PMS1: variants seen among roughly 807,000 people sequenced by gnomAD.
PMS1 encodes the protein PMS1 homolog 1, mismatch repair system component, also known as PMS1 protein homolog 1.
In PMS1, 79 loss-of-function variants were observed where a neutral mutation model predicts 93.1. That is an observed-to-expected ratio of 0.85 (90% CI 0.71 to 1.02). PMS1 has a LOEUF of 1.02. Among genes scored for constraint, PMS1 ranks in the 50% least tolerant of loss-of-function variants. The probability of loss-of-function intolerance (pLI) is 0.00; values close to 1 mark genes in which losing one functional copy is unlikely to be tolerated. For missense variants in PMS1, 1,064 were observed against 1,085.3 expected, an observed-to-expected ratio of 0.98 and a Z score of 0.28; for synonymous variants, 335 against 363.4, an observed-to-expected ratio of 0.92 and a Z score of 0.89.
At chr2:189,817,977 CT>C in intron 4 of PMS1, 39 bp from the exon 5 acceptor site, 1 of 1,475,440 alleles carries the variant, frequency 6.8e-7, no homozygotes, top group Non-Finnish European at 9.5e-7. Flanking sequence ...TGTGACGTTC[CT>C]TCCAAATCTA....
chr2:189,860,441 G>A (rs968588708), intron 9 of PMS1, among the ~76,000 whole-genome samples: 9 of 151,926 alleles, frequency 5.9e-5, no homozygotes, highest in African/African-American at 2.2e-4. Context: ...ATAATATTCA[G>A]TTGTATAAAT....
chr2:189,853,520 C>CTTTTT (rs397976954), intron 7 of PMS1, among the ~76,000 whole-genome samples: 1 of 141,400 alleles, frequency 7.1e-6, no homozygotes, highest in Non-Finnish European at 1.5e-5. Context: ...CTTTTCTTTT[C>CTTTTT]TTTTTTTTTT....
chr2:189,830,300 A>G (rs2052810214), intron 5 of PMS1, among the ~76,000 whole-genome samples: 1 of 152,026 alleles, frequency 6.6e-6, no homozygotes, highest in South Asian at 2.1e-4. Flanking sequence ...CCTTTTGCTC[A>G]TTTTGCTTCA....
chr2:189,785,566 C>T (rs144669488), intron 1 of PMS1: 2 of 152,172 alleles, frequency 1.3e-5, no homozygotes, highest in Non-Finnish European at 2.9e-5. Context: ...GATATAAAAC[C>T]CCTGTCCTCA....
intron 2 of PMS1, 26 bp downstream of exon 2, chr2:189,791,967 C>T: frequency 6.2e-7 from 1 of 1,608,316 alleles, no homozygotes; most frequent in Non-Finnish European, 8.5e-7. Flanking sequence ...AACCCAAATA[C>T]CTTTAAGACA....
chr2:189,806,134 A>AT (rs1406261364), intron 4 of PMS1: 2 of 364,254 alleles, frequency 5.5e-6, no homozygotes, highest in Non-Finnish European at 9.8e-6. Flanking sequence ...TACCATCAAG[A>AT]TATGATTAAA....
Position 189,873,634 on chromosome 2 carries a change from G to A in PMS1, c.2612G>A (p.Arg871His), listed in dbSNP as rs760863069. 35 of 1,605,192 alleles carry A rather than the reference G, an allele frequency of 2.2e-5. No homozygotes were observed. The highest frequency in any genetic ancestry group is 2.6e-5 in the Non-Finnish European group (31 of 1,172,322). The change falls in exon 12 of 13, where the codon CGC becomes CAC. Residue 871 changes from arginine (R) to histidine (H), a missense_variant. Transcript: ENST00000441310. ...AAGGAAGTTTATGAATGTAGACCTC[G>A]CAAAGTGATAAGTTATTTAGAGGTA... ...NAKEVYECRP[R>H]KVISYLEGEA...
rs777413446 is a variant in PMS1 at position 189,864,048 on chromosome 2, A to G, written c.2162A>G (p.Lys721Arg). 1.9e-6 allele frequency: 3 copies of G among 1,612,538 alleles called. No individual in the cohort carries two copies. The South Asian group carries it at 3.3e-5, about 18-fold the overall frequency. Residue 721 changes from lysine (K) to arginine (R), a missense_variant, in exon 10 of 13, where the codon AAG becomes AGG. Coordinates refer to ENST00000441310, the MANE Select transcript of PMS1 (RefSeq NM_000534.5). The stretch of plus-strand genomic sequence containing the variant: ...CAAAACAAAGTTGACTTAGAAGAGA[A>G]GGATGAACCTTGCTTGATCCACAAT... The part of the protein sequence containing the change: ...KKQNKVDLEE[K>R]DEPCLIHNLR...
chr2:189,877,225 G>A (rs113945780), intron 12 of PMS1, 47 bp from the exon 13 acceptor site: 8 of 1,510,922 alleles, frequency 5.3e-6, no homozygotes, highest in African/African-American at 2.7e-5. Flanking sequence ...CATGTTTTCA[G>A]CTTCAGGGTA....
chr2:189,822,170 G>A (rs2106340798), intron 5 of PMS1, among the ~76,000 whole-genome samples: 1 of 152,320 alleles, frequency 6.6e-6, no homozygotes, highest in South Asian at 2.1e-4. Context: ...GGGCAGTGGA[G>A]GAGGAGGCGG....
intron 10 of PMS1, among the ~76,000 whole-genome samples, chr2:189,867,434 G>T (rs2056760809): frequency 6.6e-6 from 1 of 152,202 alleles, no homozygotes; most frequent in Non-Finnish European, 1.5e-5. Flanking sequence ...TTGAATAGCA[G>T]TTGAAAATTT....
intron 6 of PMS1, among the ~76,000 whole-genome samples, chr2:189,849,390 T>C (rs1457442080): frequency 1.3e-5 from 2 of 152,208 alleles, no homozygotes; most frequent in Admixed American, 6.5e-5. Context: ...GTTTTCATAT[T>C]CTTCTCTTCT....
chr2:189,834,374 C>T (rs1455774786), intron 5 of PMS1, among the ~76,000 whole-genome samples: 3 of 152,210 alleles, frequency 2.0e-5, no homozygotes, highest in Non-Finnish European at 4.4e-5. Context: ...CCTTGTGTAT[C>T]TTACATGGGA....
rs763541657 is a variant in PMS1 at position 189,795,847 on chromosome 2, A to G, written c.211A>G (p.Met71Val). 1 of 1,612,994 alleles carries G rather than the reference A, an allele frequency of 6.2e-7. No homozygotes were observed. Among genetic ancestry groups the G allele is most frequent in the Admixed American group, 1.7e-5 (1 of 60,022 alleles). ...IKAVDAPVMAMKYYTSKINSH... is the reference protein window; with the variant it reads ...IKAVDAPVMAVKYYTSKINSH... ...GGCTGTTGATGCACCTGTAATGGCA[A>G]TGAAGTACTACACCTCAAAAATAAA... Residue 71 changes from methionine to valine, a missense_variant, in exon 3 of 13, where the codon ATG (methionine) becomes GTG (valine). By Grantham distance (21) the Met-to-Val change is conservative. Coordinates refer to ENST00000441310, the MANE Select transcript of PMS1 (RefSeq NM_000534.5).
intron 5 of PMS1, among the ~76,000 whole-genome samples, chr2:189,822,913 T>A (rs530574275): frequency 6.6e-6 from 1 of 152,306 alleles, no homozygotes; most frequent in South Asian, 2.1e-4. Context: ...AGTTAAAATA[T>A]TTTGTTGCTG....
At chr2:189,826,184 T>C (rs567703798) in intron 5 of PMS1, among the ~76,000 whole-genome samples, 11 of 152,302 alleles carry the variant, frequency 7.2e-5, no homozygotes, top group African/African-American at 2.6e-4. Flanking sequence ...GAAAAGTCTT[T>C]TGCCGCATTT....
At chr2:189,795,152 G>GT (rs1226873290) in intron 2 of PMS1, among the ~76,000 whole-genome samples, 3 of 152,064 alleles carry the variant, frequency 2.0e-5, no homozygotes, top group Non-Finnish European at 4.4e-5. Flanking sequence ...AATTAGATGT[G>GT]TTTTCTCAGC....
chr2:189,828,046 C>T (rs1272796658), intron 5 of PMS1, among the ~76,000 whole-genome samples: 1 of 152,080 alleles, frequency 6.6e-6, no homozygotes. Flanking sequence ...GCCTCAGCCT[C>T]CCGAATAGCT....
intron 10 of PMS1, 179 bp downstream of exon 10, chr2:189,864,407 C>T (rs767149478): frequency 1.8e-6 from 1 of 563,840 alleles, no homozygotes; most frequent in South Asian, 1.5e-5. Context: ...CCTGTAATCC[C>T]AGCACTTTGG....
Sources: allele counts gnomAD v4.1 joint callset (sites outside exome capture counted in the v4.1 genomes callset), GRCh38; gene constraint gnomAD v4.1.1; transcripts MANE v1.5; gene names NCBI Gene and HGNC (gene_info 2026-07-23, HGNC 2026-07-21).